CHERP: variants seen among roughly 807,000 people sequenced by gnomAD.
The protein encoded by CHERP is ERPROT 213-21.
In CHERP, 8 loss-of-function variants were observed where a neutral mutation model predicts 113.8. The ratio of observed to expected loss-of-function variants is 0.07; its 90% CI spans 0.04 to 0.13. CHERP has a LOEUF of 0.13. Ranked by LOEUF, CHERP falls within the 10% of genes least tolerant of loss-of-function variation. The pLI is 1.00. For synonymous variants in CHERP, 559 were observed against 524.5 expected, an observed-to-expected ratio of 1.07 and a Z score of -0.90; for missense variants, 884 against 1,298.2, an observed-to-expected ratio of 0.68 and a Z score of 4.90.
intron 10 of CHERP, among the ~76,000 whole-genome samples, chr19:16,524,072 C>A (rs1443078739): frequency 2.0e-5 from 3 of 149,252 alleles, no homozygotes. Flanking sequence ...GCCAACATGG[C>A]GAAACCCCAT....
Position 16,520,176 on chromosome 19 carries a change from C to A in CHERP, c.2435G>T (p.Arg812Leu). The A allele has an allele frequency of 6.2e-7, 1 of 1,612,984 alleles. No homozygotes were observed. Among genetic ancestry groups the A allele is most frequent in the Non-Finnish European group, 8.5e-7 (1 of 1,179,998 alleles). ...CGGGGTGGGGCTCCTGGACCGTGAC[C>A]GGCGTCTTCTTCCTGGGGAGTACGA... Reference protein sequence around the residue: ...SKSYSPGRRRRSRSRSPTPPS... With the variant: ...SKSYSPGRRRLSRSRSPTPPS... Residue 812 changes from arginine (R) to leucine (L), a missense_variant, in exon 15 of 17, where the codon CGG (arginine) becomes CTG (leucine). Coordinates refer to ENST00000546361, the MANE Select transcript of CHERP (RefSeq NM_006387.6). This position sits in a 1 kb window ranked among gnomAD's most constrained non-coding sequence, Gnocchi z 4.0.
In CHERP at chr19:16,520,220, C is replaced by T; in HGVS notation, c.2391G>A (p.Gln797=). 1.2e-6 allele frequency: 2 copies of T among 1,613,452 alleles called. No individual in the cohort carries two copies. Residue 797 remains glutamine (Q), a synonymous_variant, in exon 15 of 17, where the codon CAG becomes CAA. Transcript: ENST00000546361. This position sits in a 1 kb window ranked among gnomAD's most constrained non-coding sequence, Gnocchi z 4.0. ...SRSSRSRSRS[Q]SRSRSKSYSP... Reference sequence around the variant, plus strand: ...AGTACGACTTGGACCGGGACCGCGACTGGGACCGGGAGCGGCTTCTGGAGG... The same window carrying T: ...AGTACGACTTGGACCGGGACCGCGATTGGGACCGGGAGCGGCTTCTGGAGG...
At position 16,535,581 on chromosome 19, in the gene CHERP, C is replaced by A. The variant is rs768102884; in HGVS notation, c.255G>T (p.Leu85=). The change falls in exon 3 of 17, where the codon CTG becomes CTT. Residue 85 remains leucine (L), a synonymous_variant. Coordinates refer to ENST00000546361, the MANE Select transcript of CHERP (RefSeq NM_006387.6). This position sits in a 1 kb window ranked among gnomAD's most constrained non-coding sequence, Gnocchi z 4.3. ...ELEPAATMPP[L]PQPPLAPAAP... is the part of the protein sequence containing the mutation. ...CGGCGGGGGCCAGCGGGGGCTGTGG[C>A]AGGGGTGGCATGGTGGCGGCTGGCT... 13 of 1,557,554 alleles carry A rather than the reference C, an allele frequency of 8.3e-6. No individual in the cohort carries two copies. In the African/African-American group the frequency reaches 1.4e-4, roughly 16 times the overall value.
chr19:16,527,148 G>A (rs900046797), intron 9 of CHERP, among the ~76,000 whole-genome samples: 17 of 152,186 alleles, frequency 1.1e-4, no homozygotes, highest in Non-Finnish European at 2.2e-4. Flanking sequence ...ATTGTCCTGA[G>A]CCCAACCCTC....
intron 3 of CHERP, 63 bp from the exon 4 acceptor site, chr19:16,533,211 G>T (rs560996721): frequency 1.3e-6 from 2 of 1,521,434 alleles, no homozygotes; most frequent in Non-Finnish European, 1.8e-6. Flanking sequence ...TGAGCCCTCC[G>T]GCCTGGCTCA....
intron 9 of CHERP, among the ~76,000 whole-genome samples, chr19:16,527,013 GA>G (rs1265099637): frequency 2.0e-5 from 3 of 152,202 alleles, no homozygotes; most frequent in Admixed American, 2.0e-4. Context: ...CCTGCCTTGA[GA>G]AATTACTTTT....
intron 8 of CHERP, among the ~76,000 whole-genome samples, 170 bp from the exon 9 acceptor site, chr19:16,528,425 G>A (rs1288376342): frequency 6.6e-6 from 1 of 152,198 alleles, no homozygotes; most frequent in African/African-American, 2.4e-5. Context: ...GGGACAGGGC[G>A]AGGGGAGGTT....
Position 16,519,564 on chromosome 19 carries a change from C to A in CHERP, c.2557+57G>T. 1 of 1,486,892 alleles carries A rather than the reference C, an allele frequency of 6.7e-7. No individual in the cohort carries two copies. Among genetic ancestry groups the A allele is most frequent in the South Asian group, 1.1e-5 (1 of 88,342 alleles). The allele number at this position is 1,486,892 out of a possible 1,614,324, so 92.1% of individuals were successfully genotyped here. A position where few individuals can be genotyped will look rare whatever the true frequency, so the allele number is the denominator to read the frequency against. ...TGAGGAAGAGAAAGCGCTGGTGACTCCCGGGCCCAGCACGCGTGAGGACCC... is the reference window on the plus strand; with the variant it reads ...TGAGGAAGAGAAAGCGCTGGTGACTACCGGGCCCAGCACGCGTGAGGACCC... On this transcript the variant is annotated intron_variant, in intron 16 of 16. Transcript: ENST00000546361. This position sits in a 1 kb window ranked among gnomAD's most constrained non-coding sequence, Gnocchi z 6.0.
chr19:16,533,301 CAGG>C (rs2085719690), intron 3 of CHERP, among the ~76,000 whole-genome samples, 153 bp from the exon 4 acceptor site: 1 of 152,192 alleles, frequency 6.6e-6, no homozygotes, highest in African/African-American at 2.4e-5. Context: ...TTGTCCCCAG[CAGG>C]AGGAGATTCT....
chr19:16,529,466 T>C (rs892256725), intron 8 of CHERP, among the ~76,000 whole-genome samples, 182 bp downstream of exon 8: 1 of 152,136 alleles, frequency 6.6e-6, no homozygotes, highest in Non-Finnish European at 1.5e-5. Flanking sequence ...ATGGTTGTAG[T>C]TTTACTCTAG....
intron 1 of CHERP, 78 bp from the exon 2 acceptor site, chr19:16,542,121 G>C (rs1302547793): frequency 1.4e-6 from 2 of 1,480,296 alleles, no homozygotes; most frequent in Admixed American, 4.7e-5. Context: ...CCCAGCCCCC[G>C]TCCGCCTTGC....
In CHERP at chr19:16,530,042, C is replaced by A. The variant is rs2085688349; in HGVS notation, c.877-142G>T. On this transcript the variant is annotated intron_variant, in intron 7 of 16. Coordinates refer to ENST00000546361, the MANE Select transcript of CHERP (RefSeq NM_006387.6). This position sits in a 1 kb window ranked among gnomAD's most constrained non-coding sequence, Gnocchi z 4.1. Reference sequence around the variant, plus strand: ...GGGAACCGTCACGTGAAACAGCCAACACAGTCTGGGCAATCAGTGTGCGCT... The same window carrying A: ...GGGAACCGTCACGTGAAACAGCCAAAACAGTCTGGGCAATCAGTGTGCGCT... 8.1e-6 allele frequency: 9 copies of A among 1,105,508 alleles called. No homozygotes were observed. In the South Asian group the frequency reaches 1.4e-4, roughly 17 times the overall value. The allele number at this position is 1,105,508 out of a possible 1,614,324, so 68.5% of individuals were successfully genotyped here. A position where few individuals can be genotyped will look rare whatever the true frequency, so the allele number is the denominator to read the frequency against.
chr19:16,520,754 TG>T lies in CHERP; in HGVS notation c.2201+71del. 7.0e-7 allele frequency: 1 copy of T among 1,427,462 alleles called. No individual in the cohort carries two copies. The highest frequency in any genetic ancestry group is 9.9e-7 in the Non-Finnish European group (1 of 1,015,188). 88.4% of individuals were successfully genotyped at this position (1,427,462 alleles called of 1,614,324 possible). On this transcript the variant is annotated intron_variant, in intron 13 of 16. Transcript: ENST00000546361. This position sits in a 1 kb window ranked among gnomAD's most constrained non-coding sequence, Gnocchi z 4.0. ...TGAGGGTGGACGTGATGAGTGTATC[TG>T]GGGTCTGCTCCCACCCATCACAAGC...
In CHERP at chr19:16,529,972, C is replaced by T. The variant is rs762859354; in HGVS notation, c.877-72G>A. 2,663 of 1,533,764 alleles carry T rather than the reference C, an allele frequency of 1.7e-3. 4 individuals carry two copies. Among genetic ancestry groups the T allele is most frequent in the Non-Finnish European group, 2.0e-3 (2,243 of 1,138,212 alleles). On this transcript the variant is annotated intron_variant, in intron 7 of 16. Transcript: ENST00000546361. Reference sequence around the variant, plus strand: ...TCGCTGCCTGGCGCCAGAGGACAAACGCCTGGAAAGCAGCAGAGCCTGGGG... The same window carrying T: ...TCGCTGCCTGGCGCCAGAGGACAAATGCCTGGAAAGCAGCAGAGCCTGGGG...
chr19:16,533,795 AAAAAG>A (rs1028295155), intron 3 of CHERP, among the ~76,000 whole-genome samples: 6 of 151,992 alleles, frequency 3.9e-5, no homozygotes, highest in South Asian at 2.1e-4. Context: ...CAACAACAAC[AAAAAG>A]AAAAGAAAAG....
At chr19:16,526,823 G>C (rs1464065808) in intron 9 of CHERP, among the ~76,000 whole-genome samples, 3 of 152,196 alleles carry the variant, frequency 2.0e-5, no homozygotes, top group Non-Finnish European at 2.9e-5. Context: ...GAATGCAGTG[G>C]CATGACCATA....
In CHERP at chr19:16,525,236, A is replaced by G; in HGVS notation, c.1741+6T>C. The G allele has an allele frequency of 2.8e-6, 4 of 1,425,726 alleles. No homozygotes were observed. The highest frequency in any genetic ancestry group is 2.7e-5 in the East Asian group (1 of 37,018). The allele number at this position is 1,425,726 out of a possible 1,614,324, so 88.3% of individuals were successfully genotyped here. A position where few individuals can be genotyped will look rare whatever the true frequency, so the allele number is the denominator to read the frequency against. On this transcript the variant is annotated splice_donor_region_variant and intron_variant, in intron 10 of 16. Transcript: ENST00000546361. This position sits in a 1 kb window ranked among gnomAD's most constrained non-coding sequence, Gnocchi z 6.5. ...CCAGGCCCTACCCAGGCGCCCGTAC[A>G]CTCACCGGCAGGGAAGTCCCCCTGG... is the stretch of plus-strand genomic sequence containing the variant.
At position 16,519,569 on chromosome 19, in the gene CHERP, G is replaced by A. The variant is rs1451951986; in HGVS notation, c.2557+52C>T. 3 of 1,501,524 alleles carry A rather than the reference G, an allele frequency of 2.0e-6. No homozygotes were observed. In the African/African-American group the frequency reaches 4.1e-5, roughly 21 times the overall value. 93.0% of individuals were successfully genotyped at this position (1,501,524 alleles called of 1,614,324 possible). On this transcript the variant is annotated intron_variant, in intron 16 of 16. Coordinates refer to ENST00000546361, the MANE Select transcript of CHERP (RefSeq NM_006387.6). This position sits in a 1 kb window ranked among gnomAD's most constrained non-coding sequence, Gnocchi z 6.0. ...AAGAGAAAGCGCTGGTGACTCCCGGGCCCAGCACGCGTGAGGACCCATCCC... is the reference window on the plus strand; with the variant it reads ...AAGAGAAAGCGCTGGTGACTCCCGGACCCAGCACGCGTGAGGACCCATCCC...
At chr19:16,533,276 C>T in intron 3 of CHERP, 128 bp from the exon 4 acceptor site, 7 of 836,114 alleles carry the variant, frequency 8.4e-6, no homozygotes, top group Non-Finnish European at 1.3e-5. Flanking sequence ...CTGCTCTGGC[C>T]ATCAGCTCCC....
Sources: gnomAD v4.1 joint callset for allele counts (sites outside exome capture counted in the v4.1 genomes callset) on GRCh38, gnomAD v4.1.1 for gene constraint, Gnocchi (gnomAD v3.1) non-coding constraint, MANE v1.5 for transcripts, NCBI Gene and HGNC (gene_info 2026-07-23, HGNC 2026-07-21) for gene names.